DOCK7: variants seen among roughly 807,000 people sequenced by gnomAD.
DOCK7 encodes the protein dedicator of cytokinesis 7.
DOCK7 carries 138 observed loss-of-function variants against 271.0 expected under a neutral mutation model. The observed-to-expected ratio is 0.51, with a 90% CI of 0.44 to 0.59. The LOEUF (loss-of-function observed/expected upper bound fraction) is 0.59, where lower values mean the gene tolerates loss of function less well. DOCK7 is among the 20% of genes least tolerant of loss of function. The pLI, the probability that DOCK7 is intolerant of heterozygous loss-of-function variation, is 0.00. For synonymous variants in DOCK7, 823 were observed against 876.1 expected, an observed-to-expected ratio of 0.94 and a Z score of 1.07; for missense variants, 2,066 against 2,592.4, an observed-to-expected ratio of 0.80 and a Z score of 4.41.
intron 1 of DOCK7, among the ~76,000 whole-genome samples, chr1:62,665,729 A>G (rs1353449726): frequency 6.6e-6 from 1 of 150,816 alleles, no homozygotes; most frequent in East Asian, 2.0e-4. Context: ...AAAAAAAAAA[A>G]AAAAAAAAAA....
At chr1:62,616,390 T>G (rs973040745) in intron 14 of DOCK7, among the ~76,000 whole-genome samples, 1 of 151,730 alleles carries the variant, frequency 6.6e-6, no homozygotes. Context: ...TTAAAAAAAA[T>G]TAAACAAATA....
intron 43 of DOCK7, chr1:62,483,173 A>ATTTTTTTTTTTTT (rs1646180194): frequency 2.1e-5 from 1 of 46,784 alleles, no homozygotes; most frequent in South Asian, 6.7e-4. Context: ...ATGCCCAGCT[A>ATTTTTTTTTTTTT]ATTTTTTTTT....
At chr1:62,473,863 G>T in intron 48 of DOCK7, 119 bp downstream of exon 48, 1 of 685,794 alleles carries the variant, frequency 1.5e-6, no homozygotes. Context: ...GAGATTGCAG[G>T]TGTAAGCCAC....
chr1:62,687,616 C>T (rs79386202), intron 1 of DOCK7: 4 of 152,272 alleles, frequency 2.6e-5, no homozygotes, highest in Non-Finnish European at 5.9e-5. Context: ...TTCATTCTGT[C>T]CACACGTTTT....
intron 10 of DOCK7, among the ~76,000 whole-genome samples, chr1:62,632,272 T>G (rs1654720938): frequency 6.6e-6 from 1 of 152,220 alleles, no homozygotes; most frequent in Non-Finnish European, 1.5e-5. Context: ...TATACTTAAT[T>G]CTATCAGTGT....
At chr1:62,527,981 T>A (rs1209890598) in intron 31 of DOCK7, among the ~76,000 whole-genome samples, 170 bp downstream of exon 31, 1 of 152,182 alleles carries the variant, frequency 6.6e-6, no homozygotes, top group African/African-American at 2.4e-5. Context: ...AATCATTTTT[T>A]AAAACTGTTT....
chr1:62,636,777 T>A (rs1399721146), intron 7 of DOCK7, among the ~76,000 whole-genome samples, 174 bp from the exon 8 acceptor site: 1 of 152,130 alleles, frequency 6.6e-6, no homozygotes, highest in African/African-American at 2.4e-5. Context: ...TCGTTCAGAG[T>A]CTAAATCAAC....
At chr1:62,604,174 G>A in intron 14 of DOCK7, 2 of 1,613,190 alleles carry the variant, frequency 1.2e-6, no homozygotes, top group Non-Finnish European at 1.7e-6. Flanking sequence ...ACAAAGATTT[G>A]GTGTTTTCTA....
At chr1:62,565,067 CA>C (rs1646466177) in intron 18 of DOCK7, among the ~76,000 whole-genome samples, 1 of 151,848 alleles carries the variant, frequency 6.6e-6, no homozygotes, top group Non-Finnish European at 1.5e-5. Context: ...AATAGCCTAC[CA>C]ACAAAAAAAG....
At chr1:62,651,418 G>A (rs1469489568) in intron 4 of DOCK7, among the ~76,000 whole-genome samples, 1 of 143,454 alleles carries the variant, frequency 7.0e-6, no homozygotes, top group African/African-American at 2.6e-5. Context: ...CCTGCAAGTT[G>A]TGCACATGTA....
chr1:62,554,948 G>A lies in DOCK7; in HGVS notation c.2596+877C>T, dbSNP rs139401370. Among the ~76,000 whole-genome samples, 12 of 152,304 alleles carry A rather than the reference G, an allele frequency of 7.9e-5. No homozygotes were observed. The East Asian group carries it at 1.3e-3, about 17-fold the overall frequency. On this transcript the variant is annotated intron_variant, in intron 21 of 49. Transcript: ENST00000635253. The stretch of plus-strand genomic sequence containing the variant: ...ATTATGTCTAGTGTTCATAACGAAC[G>A]TCACAATTATTAGTCACCGTTATCA...
chr1:62,465,795 C>CTG (rs1320537126), intron 48 of DOCK7, among the ~76,000 whole-genome samples: 1 of 152,184 alleles, frequency 6.6e-6, no homozygotes, highest in Non-Finnish European at 1.5e-5. Context: ...CATGATCCAC[C>CTG]TGTCTTGGCC....
intron 9 of DOCK7, among the ~76,000 whole-genome samples, 161 bp from the exon 10 acceptor site, chr1:62,633,739 T>C (rs565273217): frequency 6.6e-6 from 1 of 152,280 alleles, no homozygotes; most frequent in South Asian, 2.1e-4. Context: ...TTCAGTACTC[T>C]TTCATGGCAG....
chr1:62,577,245 A>T lies in DOCK7; in HGVS notation c.2112+17T>A, dbSNP rs764143290. On this transcript the variant is annotated intron_variant, in intron 18 of 49. Coordinates refer to ENST00000635253, the MANE Select transcript of DOCK7 (RefSeq NM_001367561.1). ...ATTTCATTCAATCTGGAGAAAGTCA[A>T]CATGGGAGACACTGACCTCAGGAGA... 7.1e-7 allele frequency: 1 copy of T among 1,413,182 alleles called. No homozygotes were observed. Among genetic ancestry groups the T allele is most frequent in the Non-Finnish European group, 9.4e-7 (1 of 1,060,700 alleles). 87.5% of individuals were successfully genotyped at this position (1,413,182 alleles called of 1,614,324 possible).
At chr1:62,496,678 G>A (rs1037756754) in intron 37 of DOCK7, among the ~76,000 whole-genome samples, 181 bp from the exon 38 acceptor site, 8 of 152,092 alleles carry the variant, frequency 5.3e-5, no homozygotes, top group Non-Finnish European at 1.2e-4. Context: ...TTAGAATTTT[G>A]TTGTGAATAA....
At chr1:62,642,109 T>C (rs1405112034) in intron 7 of DOCK7, among the ~76,000 whole-genome samples, 2 of 146,430 alleles carry the variant, frequency 1.4e-5, no homozygotes, top group Non-Finnish European at 3.1e-5. Context: ...ATTGTTTACT[T>C]TTTCTTTTTT....
chr1:62,662,998 A>G, intron 2 of DOCK7, 27 bp downstream of exon 2: 1 of 1,555,840 alleles, frequency 6.4e-7, no homozygotes, highest in Non-Finnish European at 8.8e-7. Flanking sequence ...CACCAAGAAG[A>G]GACTATATTT....
chr1:62,685,636 A>G (rs746498824), intron 1 of DOCK7, among the ~76,000 whole-genome samples: 14 of 152,138 alleles, frequency 9.2e-5, no homozygotes, highest in Non-Finnish European at 1.9e-4. Context: ...ACCAAAAACC[A>G]AATAGATATT....
chr1:62,670,959 C>T (rs941524171), intron 1 of DOCK7, among the ~76,000 whole-genome samples: 1 of 152,126 alleles, frequency 6.6e-6, no homozygotes, highest in Non-Finnish European at 1.5e-5. Flanking sequence ...TAACACTCCC[C>T]GCGAAGATCT....
Sources: gnomAD v4.1 joint callset for allele counts (sites outside exome capture counted in the v4.1 genomes callset) on GRCh38, gnomAD v4.1.1 for gene constraint, MANE v1.5 for transcripts, NCBI Gene and HGNC (gene_info 2026-07-23, HGNC 2026-07-21) for gene names.